The following DROSHA variants were observed in gnomAD, a reference collection of about 807,000 sequenced individuals.
DROSHA encodes ribonuclease 3.
Under a neutral mutation model 181.9 loss-of-function variants are expected in DROSHA, and 56 were observed. That is an observed-to-expected ratio of 0.31 (90% CI 0.25 to 0.38). The LOEUF is 0.38. DROSHA is among the 10% of genes least tolerant of loss of function. The probability of loss-of-function intolerance (pLI) is 1.00; values close to 1 mark genes in which losing one functional copy is unlikely to be tolerated. For synonymous variants in DROSHA, 524 were observed against 591.2 expected (o/e 0.89, Z 1.65); for missense variants, 1,218 against 1,743.5 (o/e 0.70, Z 5.37).
chr5:31,506,226 G>A (rs910143294), intron 10 of DROSHA, among the ~76,000 whole-genome samples: 2 of 152,072 alleles, frequency 1.3e-5, no homozygotes, highest in African/African-American at 4.8e-5. Context: ...ACTGGGCATG[G>A]TGGTGGGCGC....
chr5:31,438,626 C>T (rs1745175600), intron 23 of DROSHA, among the ~76,000 whole-genome samples: 1 of 151,842 alleles, frequency 6.6e-6, no homozygotes, highest in Non-Finnish European at 1.5e-5. Flanking sequence ...TTCAAAGTGC[C>T]CATCAAATAT....
intron 3 of DROSHA, among the ~76,000 whole-genome samples, chr5:31,530,411 C>G (rs969949012): frequency 1.3e-5 from 2 of 152,026 alleles, no homozygotes; most frequent in African/African-American, 4.8e-5. Flanking sequence ...GCATTTAAGG[C>G]TCTATTGACT....
At chr5:31,482,536 A>C (rs1751151244) in intron 16 of DROSHA, among the ~76,000 whole-genome samples, 1 of 152,200 alleles carries the variant, frequency 6.6e-6, no homozygotes, top group Non-Finnish European at 1.5e-5. Flanking sequence ...GGCATGGTCC[A>C]AGGTTTTATC....
Position 31,473,865 on chromosome 5 carries a change from G to A in DROSHA, c.2072-1633C>T, listed in dbSNP as rs117839021. Reference sequence around the variant, plus strand: ...GTGGATGGTGTGAAGTCAGAAGAATGTGAGAGAGGCAGCAGGGAAGTCAGA... The same window carrying A: ...GTGGATGGTGTGAAGTCAGAAGAATATGAGAGAGGCAGCAGGGAAGTCAGA... On this transcript the variant is annotated intron_variant, in intron 16 of 35. Transcript: ENST00000344624. 1.3e-4 allele frequency among the ~76,000 whole-genome samples: 20 copies of A among 152,308 alleles called. No individual in the cohort carries two copies. The East Asian group carries it at 3.5e-3, about 26-fold the overall frequency.
intron 25 of DROSHA, among the ~76,000 whole-genome samples, chr5:31,431,966 C>T (rs556159476): frequency 6.6e-6 from 1 of 152,204 alleles, no homozygotes; most frequent in East Asian, 1.9e-4. Context: ...ATTCCAAGTT[C>T]AGATCAAGCA....
At chr5:31,472,949 C>T (rs1213539474) in intron 16 of DROSHA, among the ~76,000 whole-genome samples, 2 of 152,200 alleles carry the variant, frequency 1.3e-5, no homozygotes, top group Admixed American at 6.5e-5. Flanking sequence ...TAAAGACATC[C>T]ACTTCATTTG....
At position 31,526,288 on chromosome 5, in the gene DROSHA, A is replaced by T; in HGVS notation, c.645T>A (p.Ala215=). 6.2e-7 allele frequency: 1 copy of T among 1,613,124 alleles called. No homozygotes were observed. The highest frequency in any genetic ancestry group is 1.1e-5 in the South Asian group (1 of 91,010). The change falls in exon 5 of 36, where the codon GCT becomes GCA. Residue 215 remains alanine, a synonymous_variant. Transcript: ENST00000344624. The part of the protein sequence containing the change: ...RHLPPYPLPK[A]PSERRSPERL... The stretch of plus-strand genomic sequence containing the variant: ...TTTCTGGGGACCTTCTCTCACTGGG[A>T]GCCTTTGGGAGTGGGTATGGAGGGA...
intron 11 of DROSHA, among the ~76,000 whole-genome samples, chr5:31,499,623 G>A (rs137904165): frequency 9.2e-5 from 14 of 152,254 alleles, no homozygotes; most frequent in East Asian, 7.7e-4. Context: ...GATGGCTGTC[G>A]CTAAGCACCA....
At chr5:31,484,513 G>GTGTGTC (rs904536621) in intron 15 of DROSHA, among the ~76,000 whole-genome samples, 1 of 151,392 alleles carries the variant, frequency 6.6e-6, no homozygotes, top group Non-Finnish European at 1.5e-5. Context: ...GCATGTGTGT[G>GTGTGTC]TTTTAATGAC....
chr5:31,454,707 G>A (rs187087159), intron 20 of DROSHA, among the ~76,000 whole-genome samples: 224 of 152,152 alleles, frequency 1.5e-3, no homozygotes, highest in Admixed American at 2.5e-3. Flanking sequence ...GTGGGAGGCC[G>A]AGACAGTTGG....
chr5:31,424,650 C>T (rs1229665080), intron 27 of DROSHA, among the ~76,000 whole-genome samples, 179 bp from the exon 28 acceptor site: 1 of 152,234 alleles, frequency 6.6e-6, no homozygotes, highest in South Asian at 2.1e-4. Flanking sequence ...ACTCAAACCG[C>T]CTGTAGTGAC....
intron 21 of DROSHA, among the ~76,000 whole-genome samples, chr5:31,449,918 G>A (rs1398896869): frequency 6.6e-6 from 1 of 151,636 alleles, no homozygotes; most frequent in African/African-American, 2.4e-5. Flanking sequence ...ATCCAACAAA[G>A]GACTAATATC....
intron 30 of DROSHA, among the ~76,000 whole-genome samples, chr5:31,419,353 A>T (rs1479557898): frequency 1.3e-5 from 2 of 152,230 alleles, no homozygotes; most frequent in Non-Finnish European, 2.9e-5. Context: ...ATTTGTCAAC[A>T]TCACTGTAAT....
chr5:31,463,186 T>C (rs1748596883), intron 20 of DROSHA, among the ~76,000 whole-genome samples: 1 of 152,164 alleles, frequency 6.6e-6, no homozygotes, highest in African/African-American at 2.4e-5. Flanking sequence ...AAAATAATTG[T>C]AGACTTGGTG....
chr5:31,449,259 T>C, intron 22 of DROSHA, 22 bp downstream of exon 22: 1 of 1,612,444 alleles, frequency 6.2e-7, no homozygotes, highest in Non-Finnish European at 8.5e-7. Context: ...GAGATTCACA[T>C]CTTAAAATCA....
rs1185414773 is a variant in DROSHA at position 31,411,925 on chromosome 5, C to T, written c.3526-1038G>A. 6.6e-6 allele frequency among the ~76,000 whole-genome samples: 1 copy of T among 152,212 alleles called. No homozygotes were observed. The highest frequency in any genetic ancestry group is 1.5e-5 in the Non-Finnish European group (1 of 68,044). ...TACAGGCGTGAGCCACTGCGCCCAGCCCATACTGGTATCCTTTGTCTCTAA... is the reference window on the plus strand; with the variant it reads ...TACAGGCGTGAGCCACTGCGCCCAGTCCATACTGGTATCCTTTGTCTCTAA... On this transcript the variant is annotated intron_variant, in intron 30 of 35. Transcript: ENST00000344624. This position sits in a 1 kb window ranked among gnomAD's most constrained non-coding sequence, Gnocchi z 4.2.
intron 15 of DROSHA, 36 bp downstream of exon 15, chr5:31,484,845 T>C (rs770087311): frequency 1.4e-6 from 2 of 1,418,942 alleles, no homozygotes; most frequent in South Asian, 2.6e-5. Context: ...TGTTCTTCCA[T>C]AAACACTACT....
At chr5:31,507,141 C>G (rs1738068603) in intron 10 of DROSHA, among the ~76,000 whole-genome samples, 1 of 151,788 alleles carries the variant, frequency 6.6e-6, no homozygotes, top group African/African-American at 2.4e-5. Flanking sequence ...ATAGCGAGAC[C>G]TCATCTCTAC....
At chr5:31,522,375 T>A (rs938627850) in intron 5 of DROSHA, among the ~76,000 whole-genome samples, 24 of 152,182 alleles carry the variant, frequency 1.6e-4, no homozygotes, top group African/African-American at 5.5e-4. Flanking sequence ...TATATGTAAT[T>A]TGTAATGGCA....
Sources: gnomAD v4.1 joint callset for allele counts (sites outside exome capture counted in the v4.1 genomes callset) on GRCh38, gnomAD v4.1.1 for gene constraint, Gnocchi (gnomAD v3.1) non-coding constraint, MANE v1.5 for transcripts, NCBI Gene and HGNC (gene_info 2026-07-23, HGNC 2026-07-21) for gene names.